SLC17A6: variants seen among roughly 807,000 people sequenced by gnomAD.
The protein encoded by SLC17A6 is vesicular glutamate transporter 2.
Under a neutral mutation model 67.1 loss-of-function variants are expected in SLC17A6, and 35 were observed. That is an observed-to-expected ratio of 0.52 (90% CI 0.40 to 0.69). The LOEUF (loss-of-function observed/expected upper bound fraction) is 0.69. Among genes scored for constraint, SLC17A6 ranks in the 30% least tolerant of loss-of-function variants. SLC17A6 has a pLI of 0.00. For synonymous variants in SLC17A6, 285 were observed against 252.3 expected (o/e 1.13, Z -1.23); for missense variants, 588 against 723.9 (o/e 0.81, Z 2.15).
At chr11:22,368,281 A>T (rs1374720) in intron 7 of SLC17A6, among the ~76,000 whole-genome samples, 92,178 of 151,596 alleles carry the variant, frequency 0.61, 28,164 homozygotes, top group Admixed American at 0.66. Context: ...AATTTATTTT[A>T]AGCTGTTTGT....
chr11:22,343,513 T>C, intron 3 of SLC17A6, 148 bp downstream of exon 3: 2 of 615,640 alleles, frequency 3.2e-6, no homozygotes, highest in Non-Finnish European at 5.5e-6. Context: ...CTCTCAGGGC[T>C]GGAGCTGCTG....
At chr11:22,375,908 C>A in intron 9 of SLC17A6, 74 bp from the exon 10 acceptor site, 2 of 925,462 alleles carry the variant, frequency 2.2e-6, no homozygotes, top group Non-Finnish European at 1.7e-6. Context: ...TAAGTTGGAA[C>A]ATTTTTAGCA....
chr11:22,354,263 T>C (rs1855974278), intron 3 of SLC17A6, among the ~76,000 whole-genome samples: 1 of 152,098 alleles, frequency 6.6e-6, no homozygotes, highest in Non-Finnish European at 1.5e-5. Context: ...TTTGTGTTTT[T>C]AGTACAGACG....
chr11:22,358,145 A>G (rs944742697), intron 3 of SLC17A6, among the ~76,000 whole-genome samples: 1 of 152,198 alleles, frequency 6.6e-6, no homozygotes, highest in Non-Finnish European at 1.5e-5. Context: ...CTATGAGGCA[A>G]CCAACATTGA....
intron 1 of SLC17A6, among the ~76,000 whole-genome samples, chr11:22,339,600 G>A (rs1855789405): frequency 2.6e-5 from 4 of 152,028 alleles, no homozygotes; most frequent in African/African-American, 9.7e-5. Context: ...AAATCAAGAC[G>A]ACAGGGCAGA....
chr11:22,374,909 A>C (rs1271710888), intron 9 of SLC17A6, 22 bp downstream of exon 9: 1 of 1,595,946 alleles, frequency 6.3e-7, no homozygotes, highest in Non-Finnish European at 8.5e-7. Flanking sequence ...AGTGGCACTA[A>C]GGACATGTTT....
rs12420269 is a variant in SLC17A6, at chr11:22,378,934, T to G, written c.*1194T>G. The G allele has an allele frequency of 0.27, 40,376 of 152,234 alleles. 6,540 individuals carry two copies. Among genetic ancestry groups the G allele is most frequent in the Admixed American group, 0.37 (5,648 of 15,248 alleles). The allele number at this position is 152,234 out of a possible 1,614,324, so 9.4% of individuals were successfully genotyped here. On this transcript the variant is annotated 3_prime_UTR_variant, in exon 12 of 12. Coordinates refer to ENST00000263160, the MANE Select transcript of SLC17A6 (RefSeq NM_020346.3). ...GAAACCAAAAATAGCATACACCTAA[T>G]GTTGGGTTAGGGAATTGCAATTTCT...
At chr11:22,358,960 A>C (rs1856019347) in intron 3 of SLC17A6, among the ~76,000 whole-genome samples, 1 of 152,284 alleles carries the variant, frequency 6.6e-6, no homozygotes. Flanking sequence ...GAATAACTTT[A>C]TTTATGCATT....
At position 22,374,964 on chromosome 11, in the gene SLC17A6, C is replaced by A. The variant is rs900001881; in HGVS notation, c.1174+77C>A. On this transcript the variant is annotated intron_variant, in intron 9 of 11. Transcript: ENST00000263160. ...CTACATGAGAGAATAACTTTTTCTA[C>A]ACATATCAAATTACTTAGATGCAGT... The A allele has an allele frequency of 5.0e-5, 68 of 1,350,996 alleles. No homozygotes were observed. In the Admixed American group the frequency reaches 5.1e-4, roughly 10 times the overall value. The allele number at this position is 1,350,996 out of a possible 1,614,324, so 83.7% of individuals were successfully genotyped here.
At chr11:22,355,051 C>G (rs1369088871) in intron 3 of SLC17A6, among the ~76,000 whole-genome samples, 3 of 152,156 alleles carry the variant, frequency 2.0e-5, no homozygotes, top group Non-Finnish European at 4.4e-5. Context: ...TTCCAACATT[C>G]TTTAAATGCT....
chr11:22,362,953 A>T (rs536040487), intron 6 of SLC17A6, 128 bp downstream of exon 6: 2 of 683,326 alleles, frequency 2.9e-6, no homozygotes, highest in African/African-American at 1.8e-5. Context: ...TCTCTTAAGA[A>T]TCCTTCCATT....
intron 5 of SLC17A6, chr11:22,362,274 A>G: frequency 2.2e-6 from 1 of 445,976 alleles, no homozygotes; most frequent in South Asian, 2.0e-5. Context: ...TCAATCATGG[A>G]TACTAACAAA....
At chr11:22,369,845 AT>A (rs1455145333) in intron 7 of SLC17A6, among the ~76,000 whole-genome samples, 193 bp from the exon 8 acceptor site, 1 of 151,862 alleles carries the variant, frequency 6.6e-6, no homozygotes, top group East Asian at 1.9e-4. Context: ...TTGAGATCTT[AT>A]TTTTTTTCTC....
At chr11:22,346,650 AAT>A (rs1855879121) in intron 3 of SLC17A6, among the ~76,000 whole-genome samples, 1 of 143,312 alleles carries the variant, frequency 7.0e-6, no homozygotes, top group African/African-American at 2.6e-5. Context: ...GTAATAAAAA[AAT>A]GTGGGGGGCA....
chr11:22,362,426 C>A (rs1856063330), intron 5 of SLC17A6: 1 of 399,270 alleles, frequency 2.5e-6, no homozygotes, highest in Non-Finnish European at 4.7e-6. Flanking sequence ...TTGCCATACT[C>A]TGTCCCAAGT....
intron 3 of SLC17A6, among the ~76,000 whole-genome samples, chr11:22,354,344 A>G (rs1226693875): frequency 6.6e-6 from 1 of 152,188 alleles, no homozygotes; most frequent in Non-Finnish European, 1.5e-5. Context: ...TCGGCCCCCA[A>G]AAATGCTGGG....
chr11:22,366,063 T>A (rs1856108497), intron 7 of SLC17A6, among the ~76,000 whole-genome samples: 2 of 152,338 alleles, frequency 1.3e-5, no homozygotes, highest in Admixed American at 6.5e-5. Context: ...GTTTGTTGAA[T>A]ACAGTAGTCC....
Position 22,360,923 on chromosome 11 carries a change from G to A in SLC17A6, c.600G>A (p.Gly200=), listed in dbSNP as rs1324038868. The change falls in exon 5 of 12, where the codon GGG becomes GGA. Residue 200 remains glycine, a synonymous_variant. Coordinates refer to ENST00000263160, the MANE Select transcript of SLC17A6 (RefSeq NM_020346.3). ...GTGTGACCTACCCAGCATGTCATGG[G>A]ATATGGAGCAAATGGGCCCCACCTC... ...VEGVTYPACH[G]IWSKWAPPLE... The A allele has an allele frequency of 6.2e-7, 1 of 1,613,904 alleles. No homozygotes were observed. The highest frequency in any genetic ancestry group is 1.1e-5 in the South Asian group (1 of 91,074).
chr11:22,354,080 T>A (rs1441690513), intron 3 of SLC17A6, among the ~76,000 whole-genome samples: 1 of 148,662 alleles, frequency 6.7e-6, no homozygotes, highest in Admixed American at 6.8e-5. Flanking sequence ...CAATTTATAT[T>A]TTTTTTCTTC....
Sources: gnomAD v4.1 joint callset for allele counts (sites outside exome capture counted in the v4.1 genomes callset) on GRCh38, gnomAD v4.1.1 for gene constraint, MANE v1.5 for transcripts, NCBI Gene and HGNC (gene_info 2026-07-23, HGNC 2026-07-21) for gene names.